The following CLPB variants were observed in gnomAD, a reference collection of about 807,000 sequenced individuals.
CLPB encodes the protein mitochondrial disaggregase.
In CLPB, 40 loss-of-function variants were observed where a neutral mutation model predicts 78.4. The ratio of observed to expected loss-of-function variants is 0.51; its 90% CI spans 0.40 to 0.66. The LOEUF is 0.66. CLPB is among the 30% of genes least tolerant of loss of function. The pLI is 0.00. For missense variants in CLPB, 780 were observed against 886.9 expected, an observed-to-expected ratio of 0.88 and a Z score of 1.53; for synonymous variants, 333 against 348.0, an observed-to-expected ratio of 0.96 and a Z score of 0.48.
chr11:72,306,920 T>C (rs1364034820), intron 9 of CLPB, among the ~76,000 whole-genome samples: 1 of 152,180 alleles, frequency 6.6e-6, no homozygotes, highest in Admixed American at 6.5e-5. Flanking sequence ...AAATGTTGTA[T>C]GGTAGATCTC....
chr11:72,367,573 T>C (rs1437260710), intron 4 of CLPB, among the ~76,000 whole-genome samples: 1 of 152,120 alleles, frequency 6.6e-6, no homozygotes, highest in Non-Finnish European at 1.5e-5. Flanking sequence ...ATGAGTACCC[T>C]GTTGGATGGC....
intron 2 of CLPB, among the ~76,000 whole-genome samples, chr11:72,417,254 A>T (rs1565094831): frequency 6.6e-6 from 1 of 152,266 alleles, no homozygotes; most frequent in Non-Finnish European, 1.5e-5. Context: ...TTATTCAGCC[A>T]CAAAAAGGAA....
chr11:72,419,057 GCAGA>G (rs1856110885), intron 2 of CLPB, among the ~76,000 whole-genome samples: 1 of 152,002 alleles, frequency 6.6e-6, no homozygotes, highest in African/African-American at 2.4e-5. Flanking sequence ...TTTCAAAAAG[GCAGA>G]CACAGAACAG....
At position 72,434,281 on chromosome 11, in the gene CLPB, C is replaced by G. The variant is rs1393021971; in HGVS notation, c.194G>C (p.Gly65Ala). 1 of 1,612,846 alleles carries G rather than the reference C, an allele frequency of 6.2e-7. No individual in the cohort carries two copies. The highest frequency in any genetic ancestry group is 1.3e-5 in the African/African-American group (1 of 74,860). ...GCGCCCCCCGGTGGCTGCCCCACGT[C>G]CGGAGAACAAGGCCGGCGATGTTCC... ...RPGTSPALFS[G>A]RGAATGGRQG... Residue 65 changes from glycine (G) to alanine (A), a missense_variant, in exon 1 of 16, where the codon GGA becomes GCA. Gly to Ala is a moderately conservative substitution (Grantham distance 60). Around this residue, in one of 3 missense-constraint regions of CLPB, gnomAD observed 417 missense variants for 414.7 expected, o/e 1.01. Coordinates refer to ENST00000538039, the MANE Select transcript of CLPB (RefSeq NM_001258392.3).
rs1245720805 is a variant in CLPB at position 72,358,924 on chromosome 11, A to G, written c.731T>C (p.Val244Ala). The change falls in exon 5 of 16, where the codon GTT becomes GCT. Residue 244 changes from valine to alanine, a missense_variant. Val to Ala is a moderately conservative substitution (Grantham distance 64). Transcript: ENST00000538039. ...GACAGTGCGGTAGTCATCAGCAAGAACAGCATAGTGCAAGGCCGTGCAGCC... is the reference window on the plus strand; with the variant it reads ...GACAGTGCGGTAGTCATCAGCAAGAGCAGCATAGTGCAAGGCCGTGCAGCC... ...FKGCTALHYAVLADDYRTVKE... is the reference protein window; with the variant it reads ...FKGCTALHYAALADDYRTVKE... The G allele has an allele frequency of 1.2e-6, 2 of 1,612,478 alleles. No individual in the cohort carries two copies.
At chr11:72,325,171 G>T (rs1033551792) in intron 6 of CLPB, among the ~76,000 whole-genome samples, 1 of 152,064 alleles carries the variant, frequency 6.6e-6, no homozygotes, top group Non-Finnish European at 1.5e-5. Flanking sequence ...TGTCAACAGA[G>T]ATATATTTCT....
Position 72,329,795 on chromosome 11 carries a change from G to T in CLPB, c.785C>A (p.Pro262His). ...GTGTCCCATTTCATTCCTCTGCAGG[G>T]GGTTGGCTCCTGGCAAGAGAAGAAG... Reference protein sequence around the residue: ...VKELLDGGANPLQRNEMGHTP... With the variant: ...VKELLDGGANHLQRNEMGHTP... Residue 262 changes from proline to histidine, a missense_variant, in exon 6 of 16, where the codon CCC becomes CAC. This residue lies in a region of CLPB where 417 missense variants were observed against 414.7 expected (regional missense o/e 1.01). Transcript: ENST00000538039. 1.2e-6 allele frequency: 2 copies of T among 1,613,360 alleles called. No homozygotes were observed. The highest frequency in any genetic ancestry group is 1.7e-6 in the Non-Finnish European group (2 of 1,179,534).
intron 6 of CLPB, among the ~76,000 whole-genome samples, chr11:72,320,094 G>A (rs1475969325): frequency 6.6e-6 from 1 of 152,188 alleles, no homozygotes; most frequent in African/African-American, 2.4e-5. Flanking sequence ...TGCCTCCACT[G>A]CCTGAGGTGG....
intron 4 of CLPB, among the ~76,000 whole-genome samples, chr11:72,379,499 T>C (rs1854832197): frequency 6.6e-6 from 1 of 152,118 alleles, no homozygotes; most frequent in South Asian, 2.1e-4. Context: ...CAACATAGAC[T>C]GACTTGCTGA....
chr11:72,321,984 G>A (rs1950052453), intron 6 of CLPB, among the ~76,000 whole-genome samples: 3 of 152,170 alleles, frequency 2.0e-5, no homozygotes, highest in Admixed American at 6.5e-5. Context: ...TGGGGATGAC[G>A]ATGGAGAAAG....
intron 2 of CLPB, among the ~76,000 whole-genome samples, chr11:72,413,748 A>AT (rs1442559519): frequency 2.6e-5 from 4 of 152,188 alleles, no homozygotes; most frequent in Admixed American, 6.5e-5. Context: ...TGATATTGAC[A>AT]TTTTTTGCAG....
At chr11:72,420,551 A>G (rs1026979031) in intron 2 of CLPB, among the ~76,000 whole-genome samples, 3 of 152,160 alleles carry the variant, frequency 2.0e-5, no homozygotes, top group African/African-American at 7.2e-5. Context: ...AACTATTTAC[A>G]TGCACAGTGA....
intron 8 of CLPB, 58 bp from the exon 9 acceptor site, chr11:72,307,312 G>C (rs955248950): frequency 1.7e-5 from 24 of 1,375,870 alleles, no homozygotes; most frequent in Admixed American, 5.1e-5. Context: ...CCGCTGGAAT[G>C]AAAGAATACT....
At chr11:72,355,692 AT>A (rs1950699677) in intron 5 of CLPB, among the ~76,000 whole-genome samples, 1 of 152,194 alleles carries the variant, frequency 6.6e-6, no homozygotes, top group Non-Finnish European at 1.5e-5. Flanking sequence ...CTATTACTCC[AT>A]GCCACCTCCT....
At chr11:72,420,886 G>A (rs1026336631) in intron 2 of CLPB, among the ~76,000 whole-genome samples, 2 of 152,232 alleles carry the variant, frequency 1.3e-5, no homozygotes, top group Non-Finnish European at 2.9e-5. Flanking sequence ...CCAGCAGAAC[G>A]CAGTGGCTCA....
chr11:72,299,239 G>GCCC (rs1949611593), intron 11 of CLPB, among the ~76,000 whole-genome samples: 1 of 152,216 alleles, frequency 6.6e-6, no homozygotes. Context: ...CCCAGCTGTA[G>GCCC]CTTGGGCTCC....
intron 2 of CLPB, among the ~76,000 whole-genome samples, chr11:72,429,923 T>C (rs1387460558): frequency 6.6e-6 from 1 of 152,122 alleles, no homozygotes; most frequent in Non-Finnish European, 1.5e-5. Flanking sequence ...CTGTCCCAAA[T>C]CCCCAAGCCT....
intron 2 of CLPB, chr11:72,408,029 A>G: frequency 9.9e-7 from 1 of 1,009,848 alleles, no homozygotes; most frequent in Non-Finnish European, 1.5e-6. Flanking sequence ...AATGAGGATC[A>G]CAATCCTCCC....
At chr11:72,359,353 A>C (rs1351418988) in intron 4 of CLPB, 1 of 373,432 alleles carries the variant, frequency 2.7e-6, no homozygotes, top group Non-Finnish European at 5.2e-6. Flanking sequence ...ATAATAGGAG[A>C]ATATACCAGA....
Sources: allele counts gnomAD v4.1 joint callset (sites outside exome capture counted in the v4.1 genomes callset), GRCh38; gene constraint gnomAD v4.1.1; regional missense constraint gnomAD v4.1.1; transcripts MANE v1.5; gene names NCBI Gene and HGNC (gene_info 2026-07-23, HGNC 2026-07-21).